The following PIGB variants were observed in gnomAD, a reference collection of about 807,000 sequenced individuals.
PIGB encodes phosphatidylinositol glycan anchor biosynthesis class B.
In PIGB, 58 loss-of-function variants were observed where a neutral mutation model predicts 68.4. The ratio of observed to expected loss-of-function variants is 0.85; its 90% CI spans 0.69 to 1.06. The LOEUF (loss-of-function observed/expected upper bound fraction) is 1.06. Among genes scored for constraint, PIGB ranks in the 50% least tolerant of loss-of-function variants. PIGB has a pLI of 0.00. For missense variants in PIGB, 634 were observed against 655.8 expected (o/e 0.97, Z 0.36); for synonymous variants, 219 against 220.5 (o/e 0.99, Z 0.06).
chr15:55,352,229 G>A (rs1393697447), intron 10 of PIGB, among the ~76,000 whole-genome samples: 1 of 152,042 alleles, frequency 6.6e-6, no homozygotes, highest in African/African-American at 2.4e-5. Context: ...GATTACAGGC[G>A]TGAGCCACCG....
At chr15:55,327,728 G>C in intron 4 of PIGB, 93 bp downstream of exon 4, 1 of 750,974 alleles carries the variant, frequency 1.3e-6, no homozygotes, top group Non-Finnish European at 2.3e-6. Context: ...AACAATTTTA[G>C]AAGATAATTC....
At chr15:55,335,461 A>T (rs1428745106) in intron 6 of PIGB, among the ~76,000 whole-genome samples, 1 of 152,222 alleles carries the variant, frequency 6.6e-6, no homozygotes, top group African/African-American at 2.4e-5. Context: ...GCATCAGTTT[A>T]ACCAAAAAAA....
rs8043415 is a variant in PIGB, at chr15:55,355,294, C to T, written c.1527C>T (p.Ser509=). ...ITFSILEEEI[S]AFLISSNYKR... ...CATTTATTTGCTTCTAGGAAATAAG[C>T]GCTTTCCTAATTTCAAGCAATTATA... Residue 509 remains serine (S), a synonymous_variant, in exon 12 of 12, where the codon AGC becomes AGT. Transcript: ENST00000164305. 124,278 of 1,601,842 alleles carry T rather than the reference C, an allele frequency of 0.078. 5,992 individuals carry two copies. Among genetic ancestry groups the T allele is most frequent in the African/African-American group, 0.21 (15,537 of 74,426 alleles).
Position 55,320,325 on chromosome 15 carries a change from A to G in PIGB, c.214A>G (p.Ile72Val). 1 of 1,613,220 alleles carries G rather than the reference A, an allele frequency of 6.2e-7. No homozygotes were observed. Residue 72 changes from isoleucine (I) to valine (V), a missense_variant, in exon 2 of 12, where the codon ATA becomes GTA. Coordinates refer to ENST00000164305, the MANE Select transcript of PIGB (RefSeq NM_004855.5). ...YLLLFTIALR[I>V]LNCFLVQTSF... is the part of the protein sequence containing the mutation. ...GCTCTTGTTTACCATAGCTTTACGA[A>G]TATTAAACTGCTTTTTAGTGCAGAC...
intron 5 of PIGB, among the ~76,000 whole-genome samples, chr15:55,330,829 A>G (rs934598355): frequency 6.6e-6 from 1 of 152,204 alleles, no homozygotes; most frequent in African/African-American, 2.4e-5. Context: ...AGGATGATCA[A>G]ATCAAATAAG....
chr15:55,336,120 G>A (rs558652546), intron 6 of PIGB, among the ~76,000 whole-genome samples: 1 of 152,208 alleles, frequency 6.6e-6, no homozygotes, highest in East Asian at 1.9e-4. Flanking sequence ...AATATCATAA[G>A]TCAGGCAAGG....
chr15:55,322,395 G>T (rs1291933185), intron 3 of PIGB, among the ~76,000 whole-genome samples: 1 of 152,120 alleles, frequency 6.6e-6, no homozygotes, highest in Non-Finnish European at 1.5e-5. Context: ...ACAGTAAGTA[G>T]GATTGTAATT....
rs868058853 is a variant in PIGB at position 55,350,897 on chromosome 15, C to A, written c.1322C>A (p.Ser441Tyr). The change falls in exon 10 of 12, where the codon TCT becomes TAT. Residue 441 changes from serine to tyrosine, a missense_variant. By Grantham distance (144) the Ser-to-Tyr change is moderately radical (BLOSUM62 -2). Coordinates refer to ENST00000164305, the MANE Select transcript of PIGB (RefSeq NM_004855.5). Reference sequence around the variant, plus strand: ...ATATTTATAATGATGCCTTGCCACTCTACTCCTTATTACAGGTAATAAAAG... The same window carrying A: ...ATATTTATAATGATGCCTTGCCACTATACTCCTTATTACAGGTAATAAAAG... Reference protein sequence around the residue: ...ASIFIMMPCHSTPYYSHVHCP... With the variant: ...ASIFIMMPCHYTPYYSHVHCP... 6.4e-6 allele frequency: 10 copies of A among 1,567,976 alleles called. No homozygotes were observed. The Admixed American group carries it at 1.0e-4, about 16-fold the overall frequency.
At chr15:55,321,899 G>A (rs1472817100) in intron 3 of PIGB, among the ~76,000 whole-genome samples, 1 of 147,408 alleles carries the variant, frequency 6.8e-6, no homozygotes, top group African/African-American at 2.5e-5. Context: ...TGATCTGCCC[G>A]TGCGGTGGCT....
At chr15:55,340,434 C>T (rs1032281038) in intron 7 of PIGB, 178 bp from the exon 8 acceptor site, 50 of 341,792 alleles carry the variant, frequency 1.5e-4, no homozygotes, top group African/African-American at 1.2e-3. Context: ...CCAGCCTGGG[C>T]GACAGAGCAA....
chr15:55,347,107 T>C (rs8024695), intron 9 of PIGB, among the ~76,000 whole-genome samples: 22,386 of 152,300 alleles, frequency 0.15, 2,279 homozygotes, highest in East Asian at 0.54. Flanking sequence ...GTCAAATGCA[T>C]AGTAATGCTT....
intron 10 of PIGB, 118 bp downstream of exon 10, chr15:55,351,030 C>T: frequency 1.6e-6 from 1 of 613,528 alleles, no homozygotes; most frequent in South Asian, 2.1e-5. Flanking sequence ...AAATTTTAAA[C>T]TCCCACATAT....
intron 5 of PIGB, among the ~76,000 whole-genome samples, chr15:55,330,582 A>C (rs2055391782): frequency 6.6e-6 from 1 of 152,222 alleles, no homozygotes; most frequent in Non-Finnish European, 1.5e-5. Context: ...GTGTTGTAGG[A>C]TGCATGGAAG....
rs564302614 is a variant in PIGB at position 55,338,309 on chromosome 15, A to G, written c.795-958A>G. Among the ~76,000 whole-genome samples, 3 of 152,320 alleles carry G rather than the reference A, an allele frequency of 2.0e-5. No individual in the cohort carries two copies. In the South Asian group the frequency reaches 6.2e-4, roughly 32 times the overall value. On this transcript the variant is annotated intron_variant, in intron 6 of 11. Coordinates refer to ENST00000164305, the MANE Select transcript of PIGB (RefSeq NM_004855.5). The stretch of plus-strand genomic sequence containing the variant: ...TCGACTCAATTCTAATGAGTAGAAT[A>G]CAGCAGAAGGGATGGGATATCACTT...
At chr15:55,353,340 T>C (rs2055968441) in intron 10 of PIGB, among the ~76,000 whole-genome samples, 1 of 152,218 alleles carries the variant, frequency 6.6e-6, no homozygotes, top group Non-Finnish European at 1.5e-5. Flanking sequence ...TCTGAGGAAT[T>C]TCTGCTTCCC....
Position 55,320,308 on chromosome 15 carries a change from T to C in PIGB, c.197T>C (p.Phe66Ser), listed in dbSNP as rs372346582. ...LLGENIYLLL[F>S]TIALRILNCF... ...GGAGAAAATATTTATCTGCTCTTGTTTACCATAGCTTTACGAATATTAAAC... is the reference window on the plus strand; with the variant it reads ...GGAGAAAATATTTATCTGCTCTTGTCTACCATAGCTTTACGAATATTAAAC... The change falls in exon 2 of 12, where the codon TTT becomes TCT. Residue 66 changes from phenylalanine to serine, a missense_variant. Coordinates refer to ENST00000164305, the MANE Select transcript of PIGB (RefSeq NM_004855.5). 3.1e-6 allele frequency: 5 copies of C among 1,613,172 alleles called. No homozygotes were observed. The African/African-American group carries it at 6.7e-5, about 22-fold the overall frequency.
intron 9 of PIGB, among the ~76,000 whole-genome samples, chr15:55,342,084 G>C (rs1005358314): frequency 6.6e-6 from 1 of 152,154 alleles, no homozygotes; most frequent in Admixed American, 6.5e-5. Flanking sequence ...CTGAGCCCAG[G>C]AGTTTGAGAC....
chr15:55,330,359 C>T (rs1278380585), intron 5 of PIGB, among the ~76,000 whole-genome samples: 1 of 152,210 alleles, frequency 6.6e-6, no homozygotes, highest in Non-Finnish European at 1.5e-5. Context: ...CCATTCAGGT[C>T]AGCTTTCCTG....
chr15:55,319,520 G>C, intron 1 of PIGB, 107 bp downstream of exon 1: 1 of 785,686 alleles, frequency 1.3e-6, no homozygotes, highest in Non-Finnish European at 1.9e-6. Flanking sequence ...GCCAGATCTT[G>C]AGTTTTGAAA....
Sources: gnomAD v4.1 joint callset for allele counts (sites outside exome capture counted in the v4.1 genomes callset) on GRCh38, gnomAD v4.1.1 for gene constraint, MANE v1.5 for transcripts, NCBI Gene and HGNC (gene_info 2026-07-23, HGNC 2026-07-21) for gene names.